The following NRXN1 variants were observed in gnomAD, a reference collection of about 807,000 sequenced individuals.
The protein encoded by NRXN1 is neurexin 1, also known as neurexin-1.
A neutral mutation model predicts 150.9 loss-of-function variants in NRXN1; 39 were observed. The observed-to-expected ratio is 0.26, with a 90% confidence interval of 0.20 to 0.34. The LOEUF is 0.34. NRXN1 is among the 10% of genes least tolerant of loss of function. NRXN1 has a pLI of 1.00. For missense variants in NRXN1, 1,815 were observed against 1,949.9 expected (o/e 0.93, Z 1.30); for synonymous variants, 924 against 757.0 (o/e 1.22, Z -3.62).
At chr2:50,839,097 A>G (rs377201316) in intron 5 of NRXN1, among the ~76,000 whole-genome samples, 15 of 152,164 alleles carry the variant, frequency 9.9e-5, no homozygotes, top group Non-Finnish European at 2.2e-4. Context: ...ATTTTAAAAA[A>G]GTTCATCAAG....
chr2:50,477,888 G>C (rs1292004040), intron 15 of NRXN1, among the ~76,000 whole-genome samples: 1 of 152,174 alleles, frequency 6.6e-6, no homozygotes, highest in African/African-American at 2.4e-5. Flanking sequence ...GGACCTTGGA[G>C]AGAAAATTTG....
Position 50,236,875 on chromosome 2 carries a change from T to C in NRXN1, c.3460A>G (p.Ile1154Val). ...TCTTTCTGAACAGTGCTAAAACCTA[T>C]GGCCAGTCTGTCTGCTCGTGTACTG... ...RPSTRADRLA[I>V]GFSTVQKEAV... The change falls in exon 18 of 23, where the codon ATA becomes GTA. Residue 1154 changes from isoleucine to valine, a missense_variant. This residue lies in a region of NRXN1 where 339 missense variants were observed against 440.3 expected (regional missense o/e 0.77). Coordinates refer to ENST00000401669, the MANE Select transcript of NRXN1 (RefSeq NM_001330078.2). 1.9e-6 allele frequency: 3 copies of C among 1,613,384 alleles called. No homozygotes were observed. The highest frequency in any genetic ancestry group is 2.5e-6 in the Non-Finnish European group (3 of 1,179,660).
At chr2:50,489,679 G>A (rs1378723096) in intron 15 of NRXN1, among the ~76,000 whole-genome samples, 5 of 152,062 alleles carry the variant, frequency 3.3e-5, no homozygotes, top group African/African-American at 9.7e-5. Context: ...GTTGGAGGGA[G>A]TTGATAAAAC....
chr2:50,366,204 A>AT (rs971120385), intron 17 of NRXN1, among the ~76,000 whole-genome samples: 1 of 150,824 alleles, frequency 6.6e-6, no homozygotes, highest in African/African-American at 2.4e-5. Flanking sequence ...AGGTTAGAGA[A>AT]TGCAACGTAT....
At chr2:50,569,689 G>A (rs947114692) in intron 8 of NRXN1, among the ~76,000 whole-genome samples, 1 of 151,960 alleles carries the variant, frequency 6.6e-6, no homozygotes, top group Non-Finnish European at 1.5e-5. Context: ...AATACCTAAG[G>A]TATTTTTATA....
intron 5 of NRXN1, among the ~76,000 whole-genome samples, chr2:50,886,998 G>T (rs944220864): frequency 6.6e-6 from 1 of 151,288 alleles, no homozygotes; most frequent in African/African-American, 2.4e-5. Context: ...ATTAAATTTG[G>T]ATGAGAACTA....
At chr2:50,175,681 A>C (rs1315261908) in intron 18 of NRXN1, among the ~76,000 whole-genome samples, 1 of 152,150 alleles carries the variant, frequency 6.6e-6, no homozygotes, top group African/African-American at 2.4e-5. Context: ...ACAACAAAGA[A>C]AAACTGCTTA....
At chr2:49,981,937 C>T (rs1365339188) in intron 21 of NRXN1, among the ~76,000 whole-genome samples, 1 of 151,886 alleles carries the variant, frequency 6.6e-6, no homozygotes, top group African/African-American at 2.4e-5. Flanking sequence ...CTGGACCCAC[C>T]CTGATCTAAG....
intron 5 of NRXN1, among the ~76,000 whole-genome samples, chr2:50,792,815 A>C (rs1706246478): frequency 6.6e-6 from 1 of 152,118 alleles, no homozygotes; most frequent in Admixed American, 6.6e-5. Flanking sequence ...AACAACTCTA[A>C]AAAATAAATC....
At chr2:50,864,248 G>A (rs966953305) in intron 5 of NRXN1, among the ~76,000 whole-genome samples, 2 of 151,942 alleles carry the variant, frequency 1.3e-5, no homozygotes, top group Non-Finnish European at 2.9e-5. Context: ...ACTGTGCTAG[G>A]TATACAGTGG....
chr2:50,240,602 C>G (rs2065918524), intron 17 of NRXN1, among the ~76,000 whole-genome samples: 3 of 151,606 alleles, frequency 2.0e-5, no homozygotes, highest in Admixed American at 1.3e-4. Context: ...ACATGATGTA[C>G]TTACTGAAGC....
chr2:50,085,680 C>T (rs1358812392), intron 19 of NRXN1, among the ~76,000 whole-genome samples: 1 of 44,372 alleles, frequency 2.3e-5, no homozygotes, highest in Non-Finnish European at 4.0e-5. Flanking sequence ...TATAATTTAT[C>T]ATATAAATTA....
chr2:50,632,621 G>C lies in NRXN1; in HGVS notation c.833-9006C>G, dbSNP rs146711149. On this transcript the variant is annotated intron_variant, in intron 5 of 22. Transcript: ENST00000401669. ...GTGTACATTAAAGTGTGAGAGTCTT[G>C]TTATGAATGGATTCTTATAGTGCTG... 2.0e-5 allele frequency: 3 copies of C among 151,890 alleles called. No homozygotes were observed. The East Asian group carries it at 5.8e-4, about 29-fold the overall frequency. The allele number at this position is 151,890 out of a possible 1,614,324, so 9.4% of individuals were successfully genotyped here.
At chr2:50,554,286 A>G (rs1036865385) in intron 8 of NRXN1, 1 of 152,188 alleles carries the variant, frequency 6.6e-6, no homozygotes, top group East Asian at 1.9e-4. Flanking sequence ...CTATGAAGTC[A>G]ACCAAGACAA....
chr2:49,956,957 T>C (rs1675076455), intron 21 of NRXN1, among the ~76,000 whole-genome samples: 1 of 152,152 alleles, frequency 6.6e-6, no homozygotes, highest in Non-Finnish European at 1.5e-5. Flanking sequence ...TGGCAGCTTT[T>C]AACGGTTCTC....
intron 18 of NRXN1, among the ~76,000 whole-genome samples, chr2:50,094,770 A>G (rs1275450955): frequency 1.3e-5 from 2 of 151,846 alleles, no homozygotes; most frequent in Non-Finnish European, 2.9e-5. Flanking sequence ...AAGAAAAGAA[A>G]AAAAAAAAAA....
chr2:50,502,811 G>A (rs1015898882), intron 13 of NRXN1, among the ~76,000 whole-genome samples: 3 of 151,494 alleles, frequency 2.0e-5, no homozygotes, highest in African/African-American at 7.3e-5. Context: ...GTATGTTTGG[G>A]TGTAGGTATA....
intron 18 of NRXN1, among the ~76,000 whole-genome samples, chr2:50,167,175 TAAAAG>T (rs948614807): frequency 6.6e-6 from 1 of 152,122 alleles, no homozygotes; most frequent in Non-Finnish European, 1.5e-5. Flanking sequence ...GATGAGGAAC[TAAAAG>T]AAAACTACAG....
chr2:50,004,494 C>T (rs568938965), intron 21 of NRXN1, among the ~76,000 whole-genome samples: 2 of 152,232 alleles, frequency 1.3e-5, no homozygotes, highest in East Asian at 3.9e-4. Context: ...CTTGAGTCTT[C>T]TCCCTACTGC....
Sources: gnomAD v4.1 joint callset for allele counts (sites outside exome capture counted in the v4.1 genomes callset) on GRCh38, gnomAD v4.1.1 for gene constraint, gnomAD v4.1.1 regional missense constraint, MANE v1.5 for transcripts, NCBI Gene and HGNC (gene_info 2026-07-23, HGNC 2026-07-21) for gene names.